Variants in DLGAP2 observed in about 807,000 individuals in gnomAD.
DLGAP2 encodes disks large-associated protein 2.
A neutral mutation model predicts 100.3 loss-of-function variants in DLGAP2; 26 were observed. That is an observed-to-expected ratio of 0.26 (90% CI 0.19 to 0.36). The LOEUF (loss-of-function observed/expected upper bound fraction) is 0.36. Ranked by LOEUF, DLGAP2 falls within the 10% of genes least tolerant of loss-of-function variation. The pLI is 1.00. For missense variants in DLGAP2, 1,858 were observed against 1,453.2 expected (o/e 1.28, Z -4.53); for synonymous variants, 886 against 630.1 (o/e 1.41, Z -6.08).
rs550392545 is a variant in DLGAP2, at chr8:1,539,520, C to T, written c.173-9106C>T. 1.1e-4 allele frequency among the ~76,000 whole-genome samples: 16 copies of T among 152,232 alleles called. No individual in the cohort carries two copies. In the South Asian group the frequency reaches 2.9e-3, roughly 28 times the overall value. On this transcript the variant is annotated intron_variant, in intron 4 of 14. Transcript: ENST00000637795. Reference sequence around the variant, plus strand: ...CTTGTGCCTGGAGCCAGAAGCGCGACGCAGAGTGGACTGGGGTGCACTGAG... The same window carrying T: ...CTTGTGCCTGGAGCCAGAAGCGCGATGCAGAGTGGACTGGGGTGCACTGAG...
intron 1 of DLGAP2, among the ~76,000 whole-genome samples, chr8:771,162 C>A (rs1821347598): frequency 6.6e-6 from 1 of 152,148 alleles, no homozygotes; most frequent in Admixed American, 6.5e-5. Flanking sequence ...TGATTGCTAA[C>A]ATTTCCATAA....
chr8:915,184 C>G (rs1476746779), intron 2 of DLGAP2, among the ~76,000 whole-genome samples: 1 of 152,182 alleles, frequency 6.6e-6, no homozygotes, highest in Admixed American at 6.5e-5. Context: ...TGCAACTCAG[C>G]CTGCATCTGT....
At chr8:1,024,540 G>T (rs1315079176) in intron 2 of DLGAP2, among the ~76,000 whole-genome samples, 1 of 152,202 alleles carries the variant, frequency 6.6e-6, no homozygotes, top group Non-Finnish European at 1.5e-5. Context: ...CAGCAGCTTG[G>T]GGGCGGCTCT....
At chr8:761,649 C>A (rs140719038) in intron 1 of DLGAP2, among the ~76,000 whole-genome samples, 3 of 152,350 alleles carry the variant, frequency 2.0e-5, no homozygotes, top group African/African-American at 7.2e-5. Flanking sequence ...AAAGCAGAGA[C>A]ATCAGCAACC....
At chr8:1,011,192 G>C (rs575133618) in intron 2 of DLGAP2, among the ~76,000 whole-genome samples, 10 of 150,450 alleles carry the variant, frequency 6.6e-5, no homozygotes, top group Non-Finnish European at 1.0e-4. Flanking sequence ...GCCCTGGAAT[G>C]AGGGGTCTCA....
chr8:1,020,093 C>G (rs1192061879), intron 2 of DLGAP2, among the ~76,000 whole-genome samples: 4 of 152,122 alleles, frequency 2.6e-5, no homozygotes, highest in African/African-American at 9.7e-5. Context: ...TTTTATAAAG[C>G]AAATATATCA....
intron 2 of DLGAP2, among the ~76,000 whole-genome samples, chr8:1,188,317 G>A (rs1331174761): frequency 7.5e-5 from 10 of 133,906 alleles, no homozygotes; most frequent in Non-Finnish European, 9.3e-5. Flanking sequence ...CGGGACTTCC[G>A]TGACGTTTCC....
chr8:1,414,573 G>C (rs1296591771), intron 3 of DLGAP2, among the ~76,000 whole-genome samples: 75 of 152,248 alleles, frequency 4.9e-4, no homozygotes, highest in Admixed American at 4.9e-3. Flanking sequence ...GTCCACACCA[G>C]AGTGGAGGCA....
intron 2 of DLGAP2, among the ~76,000 whole-genome samples, chr8:1,023,308 A>C (rs55695750): frequency 6.6e-6 from 1 of 152,032 alleles, no homozygotes; most frequent in Non-Finnish European, 1.5e-5. Context: ...TCTGTGACTG[A>C]AGCTGGATCA....
chr8:1,408,952 T>C (rs1796651237), intron 3 of DLGAP2, among the ~76,000 whole-genome samples: 1 of 152,240 alleles, frequency 6.6e-6, no homozygotes, highest in African/African-American at 2.4e-5. Flanking sequence ...AGTGGACATT[T>C]AATCGATGTC....
At chr8:1,385,763 C>G (rs1189677821) in intron 3 of DLGAP2, among the ~76,000 whole-genome samples, 2 of 151,170 alleles carry the variant, frequency 1.3e-5, no homozygotes, top group African/African-American at 2.4e-5. Context: ...TATGCCCATC[C>G]CCTGAGAACT....
intron 1 of DLGAP2, among the ~76,000 whole-genome samples, chr8:777,371 G>C (rs1383895497): frequency 6.6e-6 from 1 of 151,858 alleles, no homozygotes; most frequent in South Asian, 2.1e-4. Context: ...ATATTGTTAT[G>C]TGTGAATTTG....
At chr8:1,255,512 G>A (rs1799180084) in intron 2 of DLGAP2, among the ~76,000 whole-genome samples, 1 of 130,354 alleles carries the variant, frequency 7.7e-6, no homozygotes, top group Non-Finnish European at 1.6e-5. Flanking sequence ...GGCGCTGTGT[G>A]TGTGTCATCT....
chr8:1,569,448 A>G (rs551059189), intron 6 of DLGAP2, among the ~76,000 whole-genome samples: 1 of 152,352 alleles, frequency 6.6e-6, no homozygotes, highest in East Asian at 1.9e-4. Flanking sequence ...AAAGTCCTCG[A>G]AACTCCTCTG....
intron 2 of DLGAP2, among the ~76,000 whole-genome samples, chr8:1,069,478 C>T (rs1018474322): frequency 2.8e-4 from 43 of 152,300 alleles, no homozygotes; most frequent in African/African-American, 9.6e-4. Flanking sequence ...AAAGAAGGCT[C>T]AGCAACCGGG....
rs797003964 is a variant in DLGAP2 at position 1,254,942 on chromosome 8, C to T, written c.74-3909C>T. ...GGTGCTGTGTGTGTGCCCTCTCCTG[C>T]CCGGGTGCTGTGTGTGTGTCCTCTC... On this transcript the variant is annotated intron_variant, in intron 2 of 14. Transcript: ENST00000637795. Among the ~76,000 whole-genome samples the T allele has an allele frequency of 9.1e-4, 93 of 102,114 alleles. 2 individuals are homozygous for T. Among genetic ancestry groups the T allele is most frequent in the Middle Eastern group, 4.3e-3 (1 of 232 alleles). The allele number at this position is 102,114 out of a possible 152,430, so 67.0% of individuals were successfully genotyped here.
chr8:865,354 C>G (rs924009736), intron 1 of DLGAP2, among the ~76,000 whole-genome samples: 2 of 152,188 alleles, frequency 1.3e-5, no homozygotes, highest in Non-Finnish European at 2.9e-5. Flanking sequence ...TTTATATTAG[C>G]TTCTGGCGGA....
At chr8:1,174,708 C>T (rs773105757) in intron 2 of DLGAP2, among the ~76,000 whole-genome samples, 1 of 132,476 alleles carries the variant, frequency 7.5e-6, no homozygotes, top group Non-Finnish European at 1.5e-5. Context: ...CCACCACTAT[C>T]ACCATCACCA....
At position 1,460,355 on chromosome 8, in the gene DLGAP2, C is replaced by G. The variant is rs184202418; in HGVS notation, c.107-41011C>G. Among the ~76,000 whole-genome samples the G allele has an allele frequency of 4.1e-4, 63 of 152,308 alleles. 1 individual carries two copies. The highest frequency in any genetic ancestry group is 2.9e-3 in the Admixed American group (45 of 15,304). On this transcript the variant is annotated intron_variant, in intron 3 of 14. Transcript: ENST00000637795. ...AAACCACGGGCTCTGATGTTGTGAA[C>G]AGATATCTGTGGAGTAAATTCAATG... is the stretch of plus-strand genomic sequence containing the variant.
Sources: gnomAD v4.1 joint callset for allele counts (sites outside exome capture counted in the v4.1 genomes callset) on GRCh38, gnomAD v4.1.1 for gene constraint, MANE v1.5 for transcripts, NCBI Gene and HGNC (gene_info 2026-07-23, HGNC 2026-07-21) for gene names.